ARAP2: variants seen among roughly 807,000 people sequenced by gnomAD.
ARAP2 encodes the protein ArfGAP with RhoGAP domain, ankyrin repeat and PH domain 2, also known as arf-GAP with Rho-GAP domain, ANK repeat and PH domain-containing protein 2.
Under a neutral mutation model 194.5 loss-of-function variants are expected in ARAP2, and 148 were observed. That is an observed-to-expected ratio of 0.76 (90% confidence interval 0.67 to 0.87). The LOEUF is 0.87. Among genes scored for constraint, ARAP2 ranks in the 40% least tolerant of loss-of-function variants. The probability of loss-of-function intolerance (pLI) is 0.00; values close to 1 mark genes in which losing one functional copy is unlikely to be tolerated. For synonymous variants in ARAP2, 695 were observed against 683.5 expected (o/e 1.02, Z -0.26); for missense variants, 2,128 against 1,989.7 (o/e 1.07, Z -1.32).
chr4:36,044,089 G>A (rs1721409975), intron 5 of ARAP2, among the ~76,000 whole-genome samples: 3 of 152,180 alleles, frequency 2.0e-5, no homozygotes, highest in African/African-American at 4.8e-5. Context: ...TGAACATTTC[G>A]TGGTTTATGT....
intron 5 of ARAP2, among the ~76,000 whole-genome samples, chr4:36,027,052 C>T (rs1415504144): frequency 6.6e-6 from 1 of 152,178 alleles, no homozygotes; most frequent in African/African-American, 2.4e-5. Flanking sequence ...GGGGACTAAT[C>T]CGAGTGTGAA....
At chr4:36,153,676 C>T (rs939357451) in intron 15 of ARAP2, among the ~76,000 whole-genome samples, 1 of 152,148 alleles carries the variant, frequency 6.6e-6, no homozygotes, top group African/African-American at 2.4e-5. Context: ...CACTGAAATG[C>T]TACCATGGAA....
intron 2 of ARAP2, among the ~76,000 whole-genome samples, chr4:36,219,371 A>T (rs1289920895): frequency 6.6e-6 from 1 of 152,202 alleles, no homozygotes; most frequent in Non-Finnish European, 1.5e-5. Flanking sequence ...ACACAGACAC[A>T]TCTCAAAAAC....
At chr4:36,204,554 C>A (rs928718413) in intron 6 of ARAP2, among the ~76,000 whole-genome samples, 1 of 152,192 alleles carries the variant, frequency 6.6e-6, no homozygotes, top group African/African-American at 2.4e-5. Flanking sequence ...AGTGTGCACT[C>A]GGCCTGGGGA....
intron 26 of ARAP2, among the ~76,000 whole-genome samples, chr4:36,113,850 T>C (rs1054058633): frequency 1.3e-5 from 2 of 152,018 alleles, no homozygotes; most frequent in Admixed American, 1.3e-4. Flanking sequence ...CTTGTTCTTG[T>C]TAAATAACAG....
At chr4:36,143,508 A>G (rs1728859985) in intron 19 of ARAP2, among the ~76,000 whole-genome samples, 1 of 151,684 alleles carries the variant, frequency 6.6e-6, no homozygotes, top group Admixed American at 6.6e-5. Context: ...TTTAACTTCA[A>G]AATGAATTAT....
intron 5 of ARAP2, among the ~76,000 whole-genome samples, chr4:36,025,705 CA>C (rs959547985): frequency 6.8e-4 from 103 of 151,286 alleles, no homozygotes; most frequent in African/African-American, 2.5e-3. Flanking sequence ...CCTTGAAATG[CA>C]GAAGGTAACC....
At chr4:36,010,281 A>T (rs1043007427) in intron 9 of ARAP2, among the ~76,000 whole-genome samples, 7 of 151,818 alleles carry the variant, frequency 4.6e-5, no homozygotes, top group African/African-American at 1.7e-4. Flanking sequence ...AATATACATC[A>T]CATATTACAT....
chr4:36,239,987 T>G (rs759069635), intron 1 of ARAP2, among the ~76,000 whole-genome samples: 3 of 152,192 alleles, frequency 2.0e-5, no homozygotes, highest in Non-Finnish European at 4.4e-5. Flanking sequence ...ACCCAGGCAG[T>G]AGTATAGATA....
In ARAP2 at chr4:36,222,299, T is replaced by G. The variant is rs1404286430; in HGVS notation, c.905+6283A>C. Among the ~76,000 whole-genome samples the G allele has an allele frequency of 2.0e-5, 3 of 152,122 alleles. No homozygotes were observed. In the East Asian group the frequency reaches 5.8e-4, roughly 29 times the overall value. On this transcript the variant is annotated intron_variant, in intron 2 of 32. Transcript: ENST00000303965. ...AATATAAAACCTCAGCAAAAAATGT[T>G]ATTTTTATTACAGAAAAAAATTGTT...
chr4:36,036,017 T>G (rs1315154943), intron 5 of ARAP2, among the ~76,000 whole-genome samples: 1 of 152,178 alleles, frequency 6.6e-6, no homozygotes, highest in African/African-American at 2.4e-5. Flanking sequence ...AACGTCATAC[T>G]ATCTTAGCTA....
intron 16 of ARAP2, among the ~76,000 whole-genome samples, chr4:36,150,034 T>C (rs777396674): frequency 6.6e-6 from 1 of 152,200 alleles, no homozygotes; most frequent in Non-Finnish European, 1.5e-5. Context: ...GCTTTTAAAG[T>C]CCTGACAAAG....
chr4:36,195,317 C>A (rs1742836176), intron 6 of ARAP2, among the ~76,000 whole-genome samples: 2 of 152,172 alleles, frequency 1.3e-5, no homozygotes, highest in South Asian at 2.1e-4. Flanking sequence ...AGTGTTAGAG[C>A]CATCTGGTTT....
chr4:36,232,967 AAGATATACC>A (rs956296184), intron 1 of ARAP2, among the ~76,000 whole-genome samples: 1 of 152,216 alleles, frequency 6.6e-6, no homozygotes, highest in African/African-American at 2.4e-5. Context: ...AAATCAAAGA[AAGATATACC>A]AGAAGCTCTA....
At chr4:36,084,409 A>G (rs1294251211) in intron 28 of ARAP2, among the ~76,000 whole-genome samples, 1 of 152,084 alleles carries the variant, frequency 6.6e-6, no homozygotes, top group Non-Finnish European at 1.5e-5. Flanking sequence ...TAAAGGCTAT[A>G]TATATCTTCG....
Position 36,234,656 on chromosome 4 carries a change from T to A in ARAP2, c.-159-5011A>T, listed in dbSNP as rs899927841. 2.8e-4 allele frequency among the ~76,000 whole-genome samples: 43 copies of A among 152,318 alleles called. 1 individual carries two copies. The highest frequency in any genetic ancestry group is 8.7e-4 in the African/African-American group (36 of 41,564). ...ACTTTTCTGTGCTTTAGTTTCTTAGTCAAAAATCATGGGAGTAATATTAGT... is the reference window on the plus strand; with the variant it reads ...ACTTTTCTGTGCTTTAGTTTCTTAGACAAAAATCATGGGAGTAATATTAGT... On this transcript the variant is annotated intron_variant, in intron 1 of 32. Coordinates refer to ENST00000303965, the MANE Select transcript of ARAP2 (RefSeq NM_015230.4).
At chr4:36,087,592 C>T (rs1007987169) in intron 28 of ARAP2, among the ~76,000 whole-genome samples, 2 of 151,970 alleles carry the variant, frequency 1.3e-5, no homozygotes, top group African/African-American at 4.8e-5. Flanking sequence ...ATATGAGACC[C>T]TTCATCTCAC....
chr4:36,186,161 C>G (rs35564182), intron 8 of ARAP2, among the ~76,000 whole-genome samples: 36,559 of 151,940 alleles, frequency 0.24, 4,941 homozygotes, highest in South Asian at 0.33. Flanking sequence ...ATATCTATTC[C>G]TAAATAAAAG....
At chr4:36,014,232 A>G (rs939602359) in intron 8 of ARAP2, among the ~76,000 whole-genome samples, 1 of 50,518 alleles carries the variant, frequency 2.0e-5, no homozygotes, top group Non-Finnish European at 5.2e-5. Flanking sequence ...ATCGAAAGAA[A>G]GAAAGAAAGA....
Sources: allele counts gnomAD v4.1 joint callset (sites outside exome capture counted in the v4.1 genomes callset), GRCh38; gene constraint gnomAD v4.1.1; transcripts MANE v1.5; gene names NCBI Gene and HGNC (gene_info 2026-07-23, HGNC 2026-07-21).